The following ROBO2 variants were observed in gnomAD, a reference collection of about 807,000 sequenced individuals.
The protein encoded by ROBO2 is roundabout guidance receptor 2, also known as roundabout homolog 2.
In ROBO2, 53 loss-of-function variants were observed where a neutral mutation model predicts 160.8. The observed-to-expected ratio is 0.33, with a 90% CI of 0.26 to 0.41. ROBO2 has a LOEUF of 0.41. Among genes scored for constraint, ROBO2 ranks in the 10% least tolerant of loss-of-function variants. The probability of loss-of-function intolerance (pLI) is 1.00; values close to 1 mark genes in which losing one functional copy is unlikely to be tolerated. For missense variants in ROBO2, 1,577 were observed against 1,722.4 expected, an observed-to-expected ratio of 0.92 and a Z score of 1.49; for synonymous variants, 664 against 611.7, an observed-to-expected ratio of 1.09 and a Z score of -1.26.
chr3:76,531,232 C>G (rs1340975772), intron 2 of ROBO2, among the ~76,000 whole-genome samples: 2 of 151,996 alleles, frequency 1.3e-5, no homozygotes, highest in African/African-American at 4.8e-5. Flanking sequence ...TTAATGAAAA[C>G]CACTATTTTC....
At chr3:76,520,968 T>A (rs2081580746) in intron 2 of ROBO2, among the ~76,000 whole-genome samples, 1 of 151,954 alleles carries the variant, frequency 6.6e-6, no homozygotes, top group African/African-American at 2.4e-5. Flanking sequence ...TTTATTACTA[T>A]TTTTTTCTTA....
intron 2 of ROBO2, among the ~76,000 whole-genome samples, chr3:76,066,147 C>A (rs1168369698): frequency 6.6e-6 from 1 of 152,048 alleles, no homozygotes; most frequent in Non-Finnish European, 1.5e-5. Flanking sequence ...CTTTAATAAT[C>A]CTCTGCAATA....
chr3:77,353,107 A>T (rs114154083), intron 2 of ROBO2, among the ~76,000 whole-genome samples: 53,741 of 151,944 alleles, frequency 0.35, 9,950 homozygotes, highest in Non-Finnish European at 0.39. Flanking sequence ...ATAGTTTAAA[A>T]ATTTATTTTT....
chr3:75,960,863 A>G (rs1277273891), intron 2 of ROBO2, among the ~76,000 whole-genome samples: 1 of 151,772 alleles, frequency 6.6e-6, no homozygotes, highest in African/African-American at 2.4e-5. Context: ...ATAAATATGA[A>G]GATATTGGAA....
At position 76,697,112 on chromosome 3, in the gene ROBO2, A is replaced by G. The variant is rs147380910; in HGVS notation, c.110-400902A>G. On this transcript the variant is annotated intron_variant, in intron 2 of 26. Transcript: ENST00000487694. The stretch of plus-strand genomic sequence containing the variant: ...ATCCACATTTGCCCATATGAATATC[A>G]TTGACACATGGTATTGATAGCATTG... Among the ~76,000 whole-genome samples, 410 of 152,318 alleles carry G rather than the reference A, an allele frequency of 2.7e-3. 1 individual carries two copies. The highest frequency in any genetic ancestry group is 9.3e-3 in the African/African-American group (388 of 41,586).
intron 2 of ROBO2, among the ~76,000 whole-genome samples, chr3:77,099,510 T>TAGC (rs2071609175): frequency 2.6e-5 from 4 of 152,268 alleles, no homozygotes; most frequent in African/African-American, 9.6e-5. Flanking sequence ...CAGTAGGACT[T>TAGC]TAGTTAACAA....
At chr3:77,009,758 C>A (rs1206935756) in intron 2 of ROBO2, among the ~76,000 whole-genome samples, 1 of 151,818 alleles carries the variant, frequency 6.6e-6, no homozygotes, top group African/African-American at 2.4e-5. Context: ...CAAGCTTGGC[C>A]ATCATGGTGA....
chr3:76,220,812 C>T (rs1267639104), intron 2 of ROBO2, among the ~76,000 whole-genome samples: 1 of 152,068 alleles, frequency 6.6e-6, no homozygotes, highest in East Asian at 1.9e-4. Context: ...TAATTTTAGT[C>T]CTTAGTTCTA....
At chr3:77,150,522 T>C (rs996140633) in intron 2 of ROBO2, among the ~76,000 whole-genome samples, 1 of 152,208 alleles carries the variant, frequency 6.6e-6, no homozygotes. Context: ...GTGATTCTTT[T>C]CTTTCTCCTC....
intron 2 of ROBO2, among the ~76,000 whole-genome samples, chr3:76,963,157 G>T (rs1041362875): frequency 1.2e-5 from 1 of 81,392 alleles, no homozygotes; most frequent in Admixed American, 1.3e-4. Context: ...CTTTAATAAA[G>T]ATTATTTTGT....
chr3:76,536,910 A>T (rs1476193670), intron 2 of ROBO2, among the ~76,000 whole-genome samples: 9 of 152,150 alleles, frequency 5.9e-5, no homozygotes, highest in Non-Finnish European at 1.2e-4. Flanking sequence ...CTATGCCCTC[A>T]GCTCCAGCCA....
intron 2 of ROBO2, among the ~76,000 whole-genome samples, chr3:76,070,958 C>G (rs903008674): frequency 2.0e-5 from 3 of 152,186 alleles, no homozygotes; most frequent in African/African-American, 7.2e-5. Context: ...CATTAGCCAT[C>G]TAGTTTTTAA....
intron 2 of ROBO2, among the ~76,000 whole-genome samples, chr3:76,710,250 A>G (rs529136978): frequency 6.6e-6 from 1 of 152,044 alleles, no homozygotes; most frequent in South Asian, 2.1e-4. Flanking sequence ...CCTCCCGAGT[A>G]GCTGGGACTA....
intron 2 of ROBO2, among the ~76,000 whole-genome samples, chr3:77,461,469 A>G (rs1191546291): frequency 1.3e-5 from 2 of 152,094 alleles, no homozygotes; most frequent in African/African-American, 2.4e-5. Flanking sequence ...AGTATCCTGT[A>G]TGAAAAATTG....
chr3:76,133,175 A>C (rs1362187221), intron 2 of ROBO2, among the ~76,000 whole-genome samples: 2 of 152,116 alleles, frequency 1.3e-5, no homozygotes, highest in African/African-American at 4.8e-5. Flanking sequence ...ACCTAGTTAA[A>C]CTTCTTAGCC....
At chr3:76,058,144 T>C (rs1576669159) in intron 2 of ROBO2, among the ~76,000 whole-genome samples, 1 of 152,130 alleles carries the variant, frequency 6.6e-6, no homozygotes, top group Admixed American at 6.6e-5. Context: ...GGGACACATG[T>C]GCAGAATGTG....
intron 2 of ROBO2, among the ~76,000 whole-genome samples, chr3:77,375,738 G>A (rs556165785): frequency 6.6e-6 from 1 of 152,250 alleles, no homozygotes; most frequent in East Asian, 1.9e-4. Context: ...ACATTGATGT[G>A]TGAGATATCC....
chr3:76,149,921 A>G (rs1453073207), intron 2 of ROBO2, among the ~76,000 whole-genome samples: 1 of 151,906 alleles, frequency 6.6e-6, no homozygotes, highest in Non-Finnish European at 1.5e-5. Flanking sequence ...ATCTGTCTAA[A>G]GCACACATCT....
chr3:76,689,025 A>T (rs1266344608), intron 2 of ROBO2, among the ~76,000 whole-genome samples: 5 of 152,094 alleles, frequency 3.3e-5, no homozygotes, highest in African/African-American at 7.2e-5. Flanking sequence ...ACAAAGTTTT[A>T]AAAAATCAAA....
Sources: gnomAD v4.1 joint callset for allele counts (sites outside exome capture counted in the v4.1 genomes callset) on GRCh38, gnomAD v4.1.1 for gene constraint, MANE v1.5 for transcripts, NCBI Gene and HGNC (gene_info 2026-07-23, HGNC 2026-07-21) for gene names.